PMFBP1: variants seen among roughly 807,000 people sequenced by gnomAD.
PMFBP1 encodes polyamine-modulated factor 1-binding protein 1.
PMFBP1 carries 131 observed loss-of-function variants against 137.8 expected under a neutral mutation model. That is an observed-to-expected ratio of 0.95 (90% CI 0.82 to 1.10). PMFBP1 has a LOEUF of 1.10. Ranked by LOEUF, PMFBP1 falls within the 50% of genes least tolerant of loss-of-function variation. The pLI is 0.00. For missense variants in PMFBP1, 1,199 were observed against 1,175.4 expected (o/e 1.02, Z -0.29); for synonymous variants, 490 against 450.4 (o/e 1.09, Z -1.11).
At chr16:72,200,233 G>T in the PMFBP1 span, among the ~76,000 whole-genome samples, 1 of 152,236 alleles carries the variant, frequency 6.6e-6, no homozygotes, top group African/African-American at 2.4e-5. Flanking sequence ...TCAACCCAGC[G>T]CAAGCTCCCT....
intron 17 of PMFBP1, 129 bp from the exon 18 acceptor site, chr16:72,123,778 G>C (rs1567619366): frequency 1.4e-6 from 1 of 725,990 alleles, no homozygotes; most frequent in Non-Finnish European, 2.2e-6. Context: ...CCCGAGGCCA[G>C]AGTTGTGGAG....
At chr16:72,174,138 T>C (rs148406793), upstream of PMFBP1, 1 of 152,346 alleles carries the variant, frequency 6.6e-6, no homozygotes, top group African/African-American at 2.4e-5. Context: ...GTGCCTTCCC[T>C]CAGTCTACTA....
chr16:72,131,909 A>G (rs904286784), intron 10 of PMFBP1, among the ~76,000 whole-genome samples: 19 of 152,170 alleles, frequency 1.2e-4, no homozygotes, highest in Non-Finnish European at 2.8e-4. Flanking sequence ...GCACTGGCGT[A>G]ATCTCAGCTC....
chr16:72,243,385 G>A, the PMFBP1 span, among the ~76,000 whole-genome samples: 2 of 152,184 alleles, frequency 1.3e-5, no homozygotes, highest in Non-Finnish European at 2.9e-5. Context: ...CAGGACAGGA[G>A]AGTGGCCACT....
chr16:72,243,794 A>G, the PMFBP1 span, among the ~76,000 whole-genome samples: 1 of 152,180 alleles, frequency 6.6e-6, no homozygotes, highest in African/African-American at 2.4e-5. Context: ...TGCCTAAACC[A>G]GACCAAGAGA....
In PMFBP1 at chr16:72,130,576, G is replaced by T. The variant is rs140852275; in HGVS notation, c.1594C>A (p.Gln532Lys). Residue 532 changes from glutamine (Q) to lysine (K), a missense_variant, in exon 11 of 21, where the codon CAG (glutamine) becomes AAG (lysine). Gln to Lys is a moderately conservative substitution (Grantham distance 53, BLOSUM62 1). Transcript: ENST00000237353. Reference sequence around the variant, plus strand: ...TTCTCAGCCATCGAGGACTCCTTCTGCAGCATCTGAAGTTCTCTCTGTAGT... The same window carrying T: ...TTCTCAGCCATCGAGGACTCCTTCTTCAGCATCTGAAGTTCTCTCTGTAGT... ...QELQRELQML[Q>K]KESSMAEKEQ... is the part of the protein sequence containing the mutation. 1,618 of 1,614,068 alleles carry T rather than the reference G, an allele frequency of 1.0e-3. No homozygotes were observed. The highest frequency in any genetic ancestry group is 1.3e-3 in the Non-Finnish European group (1,525 of 1,180,018).
chr16:72,162,835 A>T (rs577762831), intron 3 of PMFBP1, among the ~76,000 whole-genome samples: 97 of 152,372 alleles, frequency 6.4e-4, no homozygotes, highest in Non-Finnish European at 1.2e-3. Flanking sequence ...TCATGACAGC[A>T]ATGGTGAAAA....
chr16:72,142,733 G>A (rs1031079204), intron 5 of PMFBP1, among the ~76,000 whole-genome samples: 1 of 152,198 alleles, frequency 6.6e-6, no homozygotes, highest in Admixed American at 6.5e-5. Context: ...AAGAGGTGAA[G>A]GGACTGCCGA....
chr16:72,135,842 C>T (rs1007994847), intron 9 of PMFBP1, among the ~76,000 whole-genome samples: 1 of 142,376 alleles, frequency 7.0e-6, no homozygotes, highest in African/African-American at 2.7e-5. Context: ...ACCTCCTGGG[C>T]TCAAGGGGCT....
the PMFBP1 span, among the ~76,000 whole-genome samples, chr16:72,239,852 C>T: frequency 7.2e-6 from 1 of 138,162 alleles, no homozygotes; most frequent in Non-Finnish European, 1.5e-5. Flanking sequence ...CACCACTGCA[C>T]TCCAGCCTGG....
chr16:72,190,203 T>G, the PMFBP1 span, among the ~76,000 whole-genome samples: 1 of 152,188 alleles, frequency 6.6e-6, no homozygotes, highest in Non-Finnish European at 1.5e-5. Flanking sequence ...CTCCTGACCT[T>G]TGTTAGTTTT....
chr16:72,168,361 G>C (rs1009704631), intron 2 of PMFBP1, among the ~76,000 whole-genome samples: 1 of 152,196 alleles, frequency 6.6e-6, no homozygotes, highest in Admixed American at 6.5e-5. Flanking sequence ...CAGAACCCCA[G>C]AAAAGCCAAT....
the PMFBP1 span, among the ~76,000 whole-genome samples, chr16:72,207,318 T>C: frequency 1.3e-5 from 2 of 152,070 alleles, no homozygotes; most frequent in Non-Finnish European, 2.9e-5. Context: ...GGGCTTGTGA[T>C]TAATTGGATC....
the PMFBP1 span, among the ~76,000 whole-genome samples, chr16:72,219,509 A>G: frequency 6.6e-6 from 1 of 152,008 alleles, no homozygotes; most frequent in Non-Finnish European, 1.5e-5. Context: ...GGGGCCCGGC[A>G]GAAGACTGAT....
At chr16:72,168,723 G>A (rs1465800599) in intron 2 of PMFBP1, among the ~76,000 whole-genome samples, 1 of 152,090 alleles carries the variant, frequency 6.6e-6, no homozygotes, top group Admixed American at 6.6e-5. Flanking sequence ...CTTATATAAG[G>A]CTGGAACCTG....
chr16:72,192,548 T>C, the PMFBP1 span, among the ~76,000 whole-genome samples: 2 of 152,154 alleles, frequency 1.3e-5, no homozygotes, highest in Non-Finnish European at 2.9e-5. Context: ...AGGATTTTAT[T>C]CTAAGGGAAG....
intron 9 of PMFBP1, among the ~76,000 whole-genome samples, chr16:72,133,555 C>T (rs2042580139): frequency 6.6e-6 from 1 of 152,112 alleles, no homozygotes; most frequent in African/African-American, 2.4e-5. Context: ...GTGGCACGAT[C>T]GTAGCTCAAT....
At chr16:72,165,828 G>T (rs1456894355) in intron 2 of PMFBP1, among the ~76,000 whole-genome samples, 1 of 152,214 alleles carries the variant, frequency 6.6e-6, no homozygotes, top group Non-Finnish European at 1.5e-5. Context: ...TTAGCTAATT[G>T]TTGCTAGATG....
At chr16:72,144,271 C>G (rs1459855002) in intron 5 of PMFBP1, among the ~76,000 whole-genome samples, 1 of 151,744 alleles carries the variant, frequency 6.6e-6, no homozygotes, top group East Asian at 1.9e-4. Context: ...GAAAGTCAGT[C>G]AACATAAATC....
Sources: allele counts gnomAD v4.1 joint callset (sites outside exome capture counted in the v4.1 genomes callset), GRCh38; gene constraint gnomAD v4.1.1; transcripts MANE v1.5; gene names NCBI Gene and HGNC (gene_info 2026-07-23, HGNC 2026-07-21).